VIRMA: variants seen among roughly 807,000 people sequenced by gnomAD.
The protein encoded by VIRMA is vir like m6A methyltransferase associated, also known as protein virilizer homolog.
VIRMA carries 65 observed loss-of-function variants against 182.4 expected under a neutral mutation model. The ratio of observed to expected loss-of-function variants is 0.36; its 90% CI spans 0.29 to 0.44. The LOEUF (loss-of-function observed/expected upper bound fraction) is 0.44. VIRMA is among the 20% of genes least tolerant of loss of function. The probability of loss-of-function intolerance (pLI) is 1.00; values close to 1 mark genes in which losing one functional copy is unlikely to be tolerated. For missense variants in VIRMA, 1,752 were observed against 2,158.1 expected (o/e 0.81, Z 3.73); for synonymous variants, 709 against 743.1 (o/e 0.95, Z 0.75).
chr8:94,517,816 T>C lies in VIRMA; in HGVS notation c.2640A>G (p.Lys880=). 1 of 1,609,762 alleles carries C rather than the reference T, an allele frequency of 6.2e-7. No individual in the cohort carries two copies. The highest frequency in any genetic ancestry group is 8.5e-7 in the Non-Finnish European group (1 of 1,177,470). Residue 880 remains lysine (K), a synonymous_variant, in exon 10 of 24, where the codon AAA becomes AAG. Transcript: ENST00000297591. ...QHAASLLKLC[K]ADENNAKLQE... is the part of the protein sequence containing the mutation. ...GCAATTTAGCATTATTTTCATCTGC[T>C]TTACAAAGCTTCAAGAGAGATGCTG...
In VIRMA at chr8:94,533,957, CCCCAAGCAATCCT is replaced by C. The variant is rs1283822615; in HGVS notation, c.484+869_484+881del. On this transcript the variant is annotated intron_variant, in intron 5 of 23. Coordinates refer to ENST00000297591, the MANE Select transcript of VIRMA (RefSeq NM_015496.5). ...GGCCAGGCTGGTCTTGAATTCCTGACCCCAAGCAATCCTCCCACTTCGGCCTCCCAAAGTGCTA... is the reference window on the plus strand; with the variant it reads ...GGCCAGGCTGGTCTTGAATTCCTGACCCCACTTCGGCCTCCCAAAGTGCTA... 45 of 152,232 alleles carry C rather than the reference CCCCAAGCAATCCT, an allele frequency of 3.0e-4. 1 individual carries two copies. The highest frequency in any genetic ancestry group is 2.7e-3 in the Admixed American group (41 of 15,284). 9.4% of individuals were successfully genotyped at this position (152,232 alleles called of 1,614,324 possible). A position where few individuals can be genotyped will look rare whatever the true frequency, so the allele number is the denominator to read the frequency against.
Position 94,519,298 on chromosome 8 carries a change from C to A in VIRMA, c.2200G>T (p.Ala734Ser). The A allele has an allele frequency of 1.2e-6, 2 of 1,613,444 alleles. No individual in the cohort carries two copies. The highest frequency in any genetic ancestry group is 1.7e-6 in the Non-Finnish European group (2 of 1,179,864). The change falls in exon 9 of 24, where the codon GCT becomes TCT. Residue 734 changes from alanine (A) to serine (S), a missense_variant. This residue lies in a region of VIRMA where 45 missense variants were observed against 91.0 expected (regional missense o/e 0.49). Transcript: ENST00000297591. The stretch of plus-strand genomic sequence containing the variant: ...TCTTGATCATAAAAGTGACACAGAG[C>A]TCGGATCAATAAATTTGTTGCTTCA... ...EYEATNLLIR[A>S]LCHFYDQDEE...
chr8:94,498,500 C>A (rs917336893), intron 17 of VIRMA: 11 of 152,236 alleles, frequency 7.2e-5, no homozygotes, highest in African/African-American at 2.6e-4. Context: ...TTTGAGACAG[C>A]GTCTTGCTCT....
intron 23 of VIRMA, 69 bp from the exon 24 acceptor site, chr8:94,488,929 A>T: frequency 6.6e-7 from 1 of 1,516,644 alleles, no homozygotes; most frequent in Non-Finnish European, 9.0e-7. Context: ...ATACTAATCT[A>T]CGACACTGAG....
chr8:94,525,179 A>C (rs1169956871), intron 8 of VIRMA, among the ~76,000 whole-genome samples: 1 of 152,172 alleles, frequency 6.6e-6, no homozygotes, highest in Admixed American at 6.5e-5. Context: ...TAAAAGAGTT[A>C]AAAGTTTCTT....
intron 1 of VIRMA, among the ~76,000 whole-genome samples, chr8:94,544,467 T>C (rs557996430): frequency 4.6e-5 from 7 of 151,906 alleles, no homozygotes; most frequent in African/African-American, 9.7e-5. Context: ...GGTCAGGAGA[T>C]TGAGACCCCG....
At position 94,519,385 on chromosome 8, in the gene VIRMA, T is replaced by C; in HGVS notation, c.2113A>G (p.Lys705Glu). The C allele has an allele frequency of 6.4e-7, 1 of 1,566,324 alleles. No individual in the cohort carries two copies. The highest frequency in any genetic ancestry group is 8.6e-7 in the Non-Finnish European group (1 of 1,161,076). Residue 705 changes from lysine (K) to glutamate (E), a missense_variant, in exon 9 of 24, where the codon AAA (lysine) becomes GAA (glutamate). Transcript: ENST00000297591. ...SAHPGVLQAT[K>E]DVLKFLAQSQ... ...TGTGCAAGAAACTTCAAAACATCTT[T>C]TGTGGCTTGCAGCACACCAGGGTGA...
intron 15 of VIRMA, among the ~76,000 whole-genome samples, chr8:94,507,417 G>A (rs1255334061): frequency 6.6e-6 from 1 of 151,592 alleles, no homozygotes; most frequent in African/African-American, 2.4e-5. Flanking sequence ...TTACAGGCAT[G>A]AGCCACTGTG....
At chr8:94,504,973 G>A (rs1486396245) in intron 16 of VIRMA, among the ~76,000 whole-genome samples, 2 of 152,162 alleles carry the variant, frequency 1.3e-5, no homozygotes, top group Admixed American at 1.3e-4. Context: ...GATAGCACAG[G>A]TGTACAAAAA....
chr8:94,553,341 C>A lies in VIRMA; in HGVS notation c.63+44G>T, dbSNP rs776243480. 7 of 1,591,654 alleles carry A rather than the reference C, an allele frequency of 4.4e-6. No homozygotes were observed. The African/African-American group carries it at 5.4e-5, about 12-fold the overall frequency. On this transcript the variant is annotated intron_variant, in intron 1 of 23. Transcript: ENST00000297591. ...CGCCTAACGGTTTTTTTGTAAAGAT[C>A]CCAAGTCAAGAAGCAGCGTCAGAAT... is the stretch of plus-strand genomic sequence containing the variant.
chr8:94,517,328 G>A (rs562994869), intron 10 of VIRMA, among the ~76,000 whole-genome samples: 5 of 152,092 alleles, frequency 3.3e-5, no homozygotes, highest in East Asian at 3.8e-4. Context: ...TCAGCCTCCC[G>A]AGTAGCTGGA....
chr8:94,500,062 A>AC (rs1261791083), intron 16 of VIRMA, among the ~76,000 whole-genome samples: 12 of 151,264 alleles, frequency 7.9e-5, no homozygotes, highest in African/African-American at 2.7e-4. Flanking sequence ...CAAAAAAAAA[A>AC]AAAAAAAAAA....
intron 11 of VIRMA, chr8:94,512,300 AT>A (rs1362060941): frequency 4.1e-6 from 1 of 243,372 alleles, no homozygotes; most frequent in African/African-American, 2.2e-5. Context: ...GTTGTACTAT[AT>A]ACAATATTAT....
chr8:94,517,216 T>C (rs992257152), intron 10 of VIRMA, among the ~76,000 whole-genome samples: 1 of 152,218 alleles, frequency 6.6e-6, no homozygotes, highest in South Asian at 2.1e-4. Context: ...TTGAGTCTTT[T>C]TTTTGAGATG....
chr8:94,496,251 G>A, intron 18 of VIRMA, 77 bp downstream of exon 18: 4 of 1,215,602 alleles, frequency 3.3e-6, no homozygotes, highest in Non-Finnish European at 3.4e-6. Context: ...TTTAAAAAAG[G>A]TCACTACGAA....
intron 1 of VIRMA, chr8:94,546,681 C>A: frequency 3.2e-6 from 1 of 308,560 alleles, no homozygotes; most frequent in South Asian, 2.7e-5. Context: ...GTGCACTGTA[C>A]CCAATATGTA....
At chr8:94,495,935 T>TA (rs1489386115) in intron 18 of VIRMA, 44 bp from the exon 19 acceptor site, 1 of 1,568,164 alleles carries the variant, frequency 6.4e-7, no homozygotes, top group Non-Finnish European at 8.7e-7. Context: ...AGGTAAAACT[T>TA]ATGTCTGTAA....
chr8:94,514,003 G>A (rs1044817376), intron 11 of VIRMA, among the ~76,000 whole-genome samples: 4 of 152,252 alleles, frequency 2.6e-5, no homozygotes, highest in Admixed American at 2.0e-4. Flanking sequence ...GGTCCCAACA[G>A]CAACAAATTA....
chr8:94,495,594 C>T (rs906515760), intron 19 of VIRMA, 137 bp downstream of exon 19: 141 of 463,088 alleles, frequency 3.0e-4, no homozygotes, highest in Non-Finnish European at 2.8e-4. Flanking sequence ...GAATACACAA[C>T]AGAGGCTGTA....
Sources: allele counts gnomAD v4.1 joint callset (sites outside exome capture counted in the v4.1 genomes callset), GRCh38; gene constraint gnomAD v4.1.1; regional missense constraint gnomAD v4.1.1; transcripts MANE v1.5; gene names NCBI Gene and HGNC (gene_info 2026-07-23, HGNC 2026-07-21).